CYP39A1: variants seen among roughly 807,000 people sequenced by gnomAD.
CYP39A1 encodes cytochrome P450 family 39 subfamily A member 1, also known as 24-hydroxycholesterol 7-alpha-hydroxylase.
Under a neutral mutation model 58.1 loss-of-function variants are expected in CYP39A1, and 49 were observed. That is an observed-to-expected ratio of 0.84 (90% CI 0.67 to 1.07). CYP39A1 has a LOEUF of 1.07. Ranked by LOEUF, CYP39A1 falls within the 50% of genes least tolerant of loss-of-function variation. The pLI is 0.00. For synonymous variants in CYP39A1, 209 were observed against 187.6 expected (o/e 1.11, Z -0.93); for missense variants, 531 against 539.4 (o/e 0.98, Z 0.16).
chr6:46,610,537 A>G (rs1027354564), intron 7 of CYP39A1, among the ~76,000 whole-genome samples: 1 of 151,762 alleles, frequency 6.6e-6, no homozygotes, highest in East Asian at 1.9e-4. Flanking sequence ...CATAGAGACA[A>G]TCTCACTATG....
At chr6:46,634,523 GC>G (rs1254376461) in intron 5 of CYP39A1, among the ~76,000 whole-genome samples, 1 of 131,020 alleles carries the variant, frequency 7.6e-6, no homozygotes, top group African/African-American at 2.8e-5. Context: ...TTTTCTTTTT[GC>G]TTTTTTTTTT....
intron 1 of CYP39A1, among the ~76,000 whole-genome samples, chr6:46,650,816 A>G (rs745524205): frequency 2.6e-5 from 4 of 152,142 alleles, no homozygotes; most frequent in Non-Finnish European, 5.9e-5. Context: ...GAGTCCAGCA[A>G]TAACTTGTTT....
intron 10 of CYP39A1, among the ~76,000 whole-genome samples, chr6:46,569,526 T>G (rs1771470043): frequency 6.6e-6 from 1 of 152,090 alleles, no homozygotes; most frequent in Non-Finnish European, 1.5e-5. Context: ...TGGCCTTTAT[T>G]ATGTTGAAGT....
chr6:46,639,467 C>G lies in CYP39A1; in HGVS notation c.488+27G>C. 1.9e-6 allele frequency: 3 copies of G among 1,603,360 alleles called. No individual in the cohort carries two copies. In the South Asian group the frequency reaches 3.4e-5, roughly 18 times the overall value. ...TTTTTATTTAAAACAAAAAGCAAGA[C>G]TAAATCATACTAATGCGTCTATTTA... is the stretch of plus-strand genomic sequence containing the variant. On this transcript the variant is annotated intron_variant, in intron 3 of 11. Coordinates refer to ENST00000275016, the MANE Select transcript of CYP39A1 (RefSeq NM_016593.5).
rs3085603 is a variant in CYP39A1 at position 46,650,111 on chromosome 6, T to TACACACACACACAC, written c.177+2281_177+2294dup. ...TGGATGTTAAGACAATTACTACATT[T>TACACACACACACAC]ACACACACACACACACACACACACA... On this transcript the variant is annotated intron_variant, in intron 1 of 11. Coordinates refer to ENST00000275016, the MANE Select transcript of CYP39A1 (RefSeq NM_016593.5). 5.1e-3 allele frequency among the ~76,000 whole-genome samples: 749 copies of TACACACACACACAC among 147,022 alleles called. 6 individuals carry two copies. The highest frequency in any genetic ancestry group is 0.011 in the East Asian group (55 of 4,964).
At chr6:46,585,290 A>T (rs1772401517) in intron 10 of CYP39A1, among the ~76,000 whole-genome samples, 1 of 151,998 alleles carries the variant, frequency 6.6e-6, no homozygotes, top group Non-Finnish European at 1.5e-5. Flanking sequence ...CAGGTCAAGG[A>T]TGATTACAAT....
intron 7 of CYP39A1, among the ~76,000 whole-genome samples, chr6:46,611,445 C>T (rs1774206930): frequency 6.6e-6 from 1 of 152,206 alleles, no homozygotes; most frequent in African/African-American, 2.4e-5. Context: ...CAGGCTGACC[C>T]TCCCAACTCT....
At position 46,642,004 on chromosome 6, in the gene CYP39A1, ATTCTACCCATAACTCTTTCCTC is replaced by A. The variant is rs1776369113; in HGVS notation, c.313+137_313+158del. 2.0e-5 allele frequency among the ~76,000 whole-genome samples: 3 copies of A among 152,244 alleles called. No individual in the cohort carries two copies. In the South Asian group the frequency reaches 6.2e-4, roughly 31 times the overall value. On this transcript the variant is annotated intron_variant, in intron 2 of 11. Transcript: ENST00000275016. ...TCATTTGCATTTCAATGGCCAAACT[ATTCTACCCATAACTCTTTCCTC>A]TTCTACCCATACCTCAAGAATAAAA...
rs189088791 is a variant in CYP39A1 at position 46,584,778 on chromosome 6, C to T, written c.1250+2299G>A. The stretch of plus-strand genomic sequence containing the variant: ...AGTAACCCTTTGCTCATTCTGTTGT[C>T]TCAAGCTAAAAGGTCTCCCGCCACT... On this transcript the variant is annotated intron_variant, in intron 10 of 11. Transcript: ENST00000275016. 1.3e-3 allele frequency among the ~76,000 whole-genome samples: 200 copies of T among 152,268 alleles called. 1 individual carries two copies. The highest frequency in any genetic ancestry group is 0.011 in the Admixed American group (163 of 15,272).
At chr6:46,575,871 T>C (rs1771819368) in intron 10 of CYP39A1, among the ~76,000 whole-genome samples, 2 of 152,196 alleles carry the variant, frequency 1.3e-5, no homozygotes, top group African/African-American at 4.8e-5. Context: ...TAAATCCAAC[T>C]TATACCACAG....
At chr6:46,593,082 G>A (rs1432098982) in intron 8 of CYP39A1, among the ~76,000 whole-genome samples, 2 of 152,108 alleles carry the variant, frequency 1.3e-5, no homozygotes. Context: ...CTCTCTAGAT[G>A]CATAAAAAGT....
chr6:46,628,601 A>C (rs2150576805), intron 6 of CYP39A1, among the ~76,000 whole-genome samples: 1 of 152,306 alleles, frequency 6.6e-6, no homozygotes, highest in Admixed American at 6.5e-5. Flanking sequence ...AACCCATCTG[A>C]AGCCTGAGCT....
At chr6:46,581,405 GAAAAA>G (rs35718392) in intron 10 of CYP39A1, among the ~76,000 whole-genome samples, 1 of 117,168 alleles carries the variant, frequency 8.5e-6, no homozygotes. Flanking sequence ...GCCTGTCTCA[GAAAAA>G]AAAAAAAAAA....
chr6:46,572,759 C>T (rs1582313513), intron 10 of CYP39A1, among the ~76,000 whole-genome samples: 1 of 152,152 alleles, frequency 6.6e-6, no homozygotes, highest in East Asian at 1.9e-4. Context: ...GGTTTCTTCC[C>T]CTTTCTCAAT....
At chr6:46,622,334 C>A (rs7772835) in intron 7 of CYP39A1, among the ~76,000 whole-genome samples, 28,918 of 151,658 alleles carry the variant, frequency 0.19, 2,965 homozygotes, top group African/African-American at 0.27. Context: ...TGTTAATTAT[C>A]TATGATTATA....
chr6:46,601,696 T>TATA (rs1162564952), intron 7 of CYP39A1, among the ~76,000 whole-genome samples: 1 of 149,528 alleles, frequency 6.7e-6, no homozygotes, highest in East Asian at 1.9e-4. Flanking sequence ...TTATTATTAT[T>TATA]ATTATTTAGA....
rs913563661 is a variant in CYP39A1 at position 46,550,339 on chromosome 6, C to A, written c.*27G>T. The A allele has an allele frequency of 1.9e-6, 3 of 1,606,646 alleles. No homozygotes were observed. The highest frequency in any genetic ancestry group is 2.6e-6 in the Non-Finnish European group (3 of 1,175,484). On this transcript the variant is annotated 3_prime_UTR_variant, in exon 12 of 12. Transcript: ENST00000275016. ...GGGTAGTGCCACTCCTCCAGAAGGC[C>A]CTGGTCCTTGTGAGGCCCAACAGAT...
intron 5 of CYP39A1, among the ~76,000 whole-genome samples, chr6:46,632,661 T>C (rs569907124): frequency 1.5e-4 from 23 of 152,134 alleles, no homozygotes; most frequent in Non-Finnish European, 2.8e-4. Context: ...TCCCCGCAGA[T>C]ACTATTATCT....
intron 7 of CYP39A1, among the ~76,000 whole-genome samples, chr6:46,607,130 C>T (rs1266807703): frequency 6.6e-6 from 1 of 152,098 alleles, no homozygotes; most frequent in African/African-American, 2.4e-5. Context: ...CACATTGCTT[C>T]CTCAAAGACA....
Sources: allele counts gnomAD v4.1 joint callset (sites outside exome capture counted in the v4.1 genomes callset), GRCh38; gene constraint gnomAD v4.1.1; transcripts MANE v1.5; gene names NCBI Gene and HGNC (gene_info 2026-07-23, HGNC 2026-07-21).